Variants in ADAM22 observed in about 807,000 individuals in gnomAD.
ADAM22 encodes the protein disintegrin and metalloproteinase domain-containing protein 22.
A neutral mutation model predicts 144.6 loss-of-function variants in ADAM22; 65 were observed. The ratio of observed to expected loss-of-function variants is 0.45; its 90% CI spans 0.37 to 0.55. The LOEUF (loss-of-function observed/expected upper bound fraction) is 0.55, where lower values mean the gene tolerates loss of function less well. Among genes scored for constraint, ADAM22 ranks in the 20% least tolerant of loss-of-function variants. ADAM22 has a pLI of 0.00. For synonymous variants in ADAM22, 391 were observed against 412.6 expected (o/e 0.95, Z 0.63); for missense variants, 974 against 1,184.9 (o/e 0.82, Z 2.61).
At chr7:87,994,413 G>A (rs1405498413) in intron 3 of ADAM22, among the ~76,000 whole-genome samples, 3 of 151,750 alleles carry the variant, frequency 2.0e-5, no homozygotes, top group Non-Finnish European at 4.4e-5. Flanking sequence ...CGCCCGCCTC[G>A]GCCTCCCAAA....
At chr7:88,092,972 T>C (rs1820343479) in intron 4 of ADAM22, among the ~76,000 whole-genome samples, 2 of 151,712 alleles carry the variant, frequency 1.3e-5, no homozygotes, top group Admixed American at 1.3e-4. Context: ...CCCAGTTAAC[T>C]ATCTAAAGAG....
At chr7:87,986,850 G>T (rs1018614302) in intron 3 of ADAM22, among the ~76,000 whole-genome samples, 15 of 152,024 alleles carry the variant, frequency 9.9e-5, no homozygotes, top group Non-Finnish European at 1.6e-4. Context: ...TATTTAAATT[G>T]TAAATAAAAT....
intron 4 of ADAM22, among the ~76,000 whole-genome samples, chr7:88,080,581 C>T (rs1392699157): frequency 6.6e-6 from 1 of 151,696 alleles, no homozygotes; most frequent in Non-Finnish European, 1.5e-5. Context: ...AAAAGATCAA[C>T]AAAATTGATA....
intron 29 of ADAM22, among the ~76,000 whole-genome samples, chr7:88,182,827 C>CT (rs1001524962): frequency 6.6e-6 from 1 of 152,116 alleles, no homozygotes; most frequent in Non-Finnish European, 1.5e-5. Context: ...TGCCACCTGA[C>CT]TTTTTTTACC....
intron 3 of ADAM22, among the ~76,000 whole-genome samples, chr7:88,030,192 T>C (rs1380274541): frequency 6.6e-6 from 1 of 152,132 alleles, no homozygotes; most frequent in Non-Finnish European, 1.5e-5. Context: ...TCTCCTCTGA[T>C]TATGTTTACA....
intron 3 of ADAM22, among the ~76,000 whole-genome samples, chr7:88,066,698 A>T (rs1048105889): frequency 6.6e-6 from 1 of 152,158 alleles, no homozygotes; most frequent in Admixed American, 6.6e-5. Flanking sequence ...GGGTACTCCA[A>T]TGTTTAGGAA....
At chr7:88,016,769 A>T (rs974963535) in intron 3 of ADAM22, among the ~76,000 whole-genome samples, 2 of 152,176 alleles carry the variant, frequency 1.3e-5, no homozygotes, top group Non-Finnish European at 2.9e-5. Context: ...TGGTTGATAG[A>T]GACTGAGAAA....
chr7:88,165,960 T>C lies in ADAM22; in HGVS notation c.2191+14T>C. 1.3e-6 allele frequency: 2 copies of C among 1,579,794 alleles called. No homozygotes were observed. The highest frequency in any genetic ancestry group is 1.7e-6 in the Non-Finnish European group (2 of 1,155,882). The stretch of plus-strand genomic sequence containing the variant: ...TGTCTGGCAATGGTAAGTACTTAAT[T>C]TGGTAACATTATGTAGTCTTTATAC... On this transcript the variant is annotated intron_variant, in intron 24 of 31. Coordinates refer to ENST00000413139, the MANE Select transcript of ADAM22 (RefSeq NM_001324418.2).
At position 88,004,782 on chromosome 7, in the gene ADAM22, C is replaced by T. The variant is rs143988444; in HGVS notation, c.323+26370C>T. 1.1e-3 allele frequency among the ~76,000 whole-genome samples: 162 copies of T among 152,270 alleles called. 4 individuals carry two copies. The highest frequency in any genetic ancestry group is 8.8e-3 in the Admixed American group (135 of 15,290). On this transcript the variant is annotated intron_variant, in intron 3 of 31. Coordinates refer to ENST00000413139, the MANE Select transcript of ADAM22 (RefSeq NM_001324418.2). ...TATGGCATTTCAAGTTTTGAGGGGA[C>T]AGTGAATGATCTTAAATACTCTTAA...
intron 2 of ADAM22, among the ~76,000 whole-genome samples, chr7:87,972,147 C>G (rs2129447450): frequency 6.6e-6 from 1 of 152,258 alleles, no homozygotes; most frequent in South Asian, 2.1e-4. Context: ...CAAATTGTCC[C>G]TGTTTGCAGA....
At chr7:88,064,033 A>G (rs529868328) in intron 3 of ADAM22, among the ~76,000 whole-genome samples, 2 of 152,350 alleles carry the variant, frequency 1.3e-5, no homozygotes, top group East Asian at 3.9e-4. Context: ...GGGAATTCCC[A>G]GGATCATAGG....
Position 88,165,172 on chromosome 7 carries a change from T to G in ADAM22, c.2077-660T>G, listed in dbSNP as rs529190317. 2.5e-4 allele frequency among the ~76,000 whole-genome samples: 38 copies of G among 152,208 alleles called. No homozygotes were observed. In the Middle Eastern group the frequency reaches 0.014, roughly 54 times the overall value. ...TTTTGAATTAGATTTAGGTGTATAT[T>G]CTGTTTCCTGAGTGGACTAATGAAG... On this transcript the variant is annotated intron_variant, in intron 23 of 31. Coordinates refer to ENST00000413139, the MANE Select transcript of ADAM22 (RefSeq NM_001324418.2).
Position 88,155,902 on chromosome 7 carries a change from T to C in ADAM22, c.1803T>C (p.Gly601=). Residue 601 remains glycine, a synonymous_variant, in exon 22 of 32, where the codon GGT becomes GGC. Coordinates refer to ENST00000413139, the MANE Select transcript of ADAM22 (RefSeq NM_001324418.2). The part of the protein sequence containing the change: ...IQCNKRDVLC[G]YLLCTNIGNI... ...TTTGATACAGGGATGTGCTTTGTGG[T>C]TACCTTTTGTGTACCAATATTGGCA... The C allele has an allele frequency of 6.2e-7, 1 of 1,613,328 alleles. No homozygotes were observed. Among genetic ancestry groups the C allele is most frequent in the South Asian group, 1.1e-5 (1 of 91,008 alleles).
At chr7:87,965,745 T>C (rs1209304713) in intron 2 of ADAM22, among the ~76,000 whole-genome samples, 1 of 152,184 alleles carries the variant, frequency 6.6e-6, no homozygotes, top group African/African-American at 2.4e-5. Flanking sequence ...GAAGTAAACC[T>C]TGATGTGAAG....
chr7:87,991,404 G>A (rs184471504), intron 3 of ADAM22, among the ~76,000 whole-genome samples: 206 of 138,022 alleles, frequency 1.5e-3, no homozygotes, highest in African/African-American at 5.5e-3. Flanking sequence ...CTGTCGCCCA[G>A]GCCGGAATGC....
rs943680259 is a variant in ADAM22, at chr7:88,200,222, C to G, written c.*3731C>G. 6.6e-6 allele frequency: 1 copy of G among 151,924 alleles called. No homozygotes were observed. Among genetic ancestry groups the G allele is most frequent in the Non-Finnish European group, 1.5e-5 (1 of 68,002 alleles). 9.4% of individuals were successfully genotyped at this position (151,924 alleles called of 1,614,324 possible). ...ATTTTATCCATTCATTTCCTATTGT[C>G]GTATAGTTCTAACCATATATATAGT... On this transcript the variant is annotated 3_prime_UTR_variant, in exon 32 of 32. Transcript: ENST00000413139.
At chr7:88,130,355 G>A (rs771272638) in intron 9 of ADAM22, 33 bp from the exon 10 acceptor site, 1 of 1,566,450 alleles carries the variant, frequency 6.4e-7, no homozygotes, top group Non-Finnish European at 8.8e-7. Context: ...TGATCACTTT[G>A]CAAGACCTTC....
chr7:88,186,752 C>A, intron 30 of ADAM22, 51 bp downstream of exon 30: 2 of 1,136,066 alleles, frequency 1.8e-6, no homozygotes, highest in Non-Finnish European at 1.3e-6. Flanking sequence ...CCAGCACATA[C>A]AAATACTGTA....
chr7:87,935,302 C>G (rs2131151763), intron 2 of ADAM22, 116 bp downstream of exon 2: 1 of 1,221,408 alleles, frequency 8.2e-7, no homozygotes, highest in East Asian at 2.6e-5. Flanking sequence ...TGAGTTGGGT[C>G]CCGATGCGAG....
Sources: gnomAD v4.1 joint callset for allele counts (sites outside exome capture counted in the v4.1 genomes callset) on GRCh38, gnomAD v4.1.1 for gene constraint, MANE v1.5 for transcripts, NCBI Gene and HGNC (gene_info 2026-07-23, HGNC 2026-07-21) for gene names.